The following KLRD1 variants were observed in gnomAD, a reference collection of about 807,000 sequenced individuals.
The protein encoded by KLRD1 is killer cell lectin like receptor D1.
KLRD1 carries 21 observed loss-of-function variants against 22.6 expected under a neutral mutation model. The ratio of observed to expected loss-of-function variants is 0.93; its 90% CI spans 0.66 to 1.34. KLRD1 has a LOEUF of 1.34. Among genes scored for constraint, KLRD1 ranks in the 40% most tolerant of loss-of-function variants. KLRD1 has a pLI of 0.00. For synonymous variants in KLRD1, 59 were observed against 71.1 expected (o/e 0.83, Z 0.85); for missense variants, 183 against 208.6 (o/e 0.88, Z 0.76).
At chr12:10,262,286 TTTA>T (rs2137632283) in intron 1 of KLRD1, among the ~76,000 whole-genome samples, 1 of 152,220 alleles carries the variant, frequency 6.6e-6, no homozygotes, top group Admixed American at 6.5e-5. Flanking sequence ...ATGCCAAGAT[TTTA>T]TTTTCAGTAG....
intron 1 of KLRD1, among the ~76,000 whole-genome samples, chr12:10,276,045 CT>C (rs915706649): frequency 3.9e-5 from 6 of 152,172 alleles, no homozygotes; most frequent in South Asian, 2.1e-4. Context: ...TGAAACTATA[CT>C]TTTTTTGCAT....
At chr12:10,300,828 A>G (rs1949860351), upstream of KLRD1, among the ~76,000 whole-genome samples, 1 of 152,244 alleles carries the variant, frequency 6.6e-6, no homozygotes, top group African/African-American at 2.4e-5. Context: ...ATAACCTGCT[A>G]CAGCTTCTAT....
Position 10,321,215 on chromosome 12 carries a change from G to A in KLRD1, c.*6422G>A, listed in dbSNP as rs1245682258. 1.3e-5 allele frequency: 2 copies of A among 152,140 alleles called. No homozygotes were observed. Among genetic ancestry groups the A allele is most frequent in the Non-Finnish European group, 2.9e-5 (2 of 68,018 alleles). 9.4% of individuals were successfully genotyped at this position (152,140 alleles called of 1,614,324 possible). The stretch of plus-strand genomic sequence containing the variant: ...TCATGCCCCTCCCTCTTTTGAACAA[G>A]GATGTCTATAGTTTGTTCTTTCGAA... On this transcript the variant is annotated 3_prime_UTR_variant, in exon 6 of 6. Transcript: ENST00000336164.
chr12:10,240,686 G>A (rs978332310), intron 1 of KLRD1, among the ~76,000 whole-genome samples: 1 of 152,078 alleles, frequency 6.6e-6, no homozygotes, highest in African/African-American at 2.4e-5. Context: ...GCTTCAACAA[G>A]CATCGACTCA....
rs1205063712 is a variant in KLRD1, at chr12:10,324,824, A to ATATATATATATATATATATG, written c.*10050_*10051insGTATATATATATATATATAT. The ATATATATATATATATATATG allele has an allele frequency of 1.9e-5, 2 of 104,578 alleles. No homozygotes were observed. Among genetic ancestry groups the ATATATATATATATATATATG allele is most frequent in the Non-Finnish European group, 4.5e-5 (2 of 44,244 alleles). The allele number at this position is 104,578 out of a possible 1,614,324, so 6.5% of individuals were successfully genotyped here. On this transcript the variant is annotated 3_prime_UTR_variant, in exon 6 of 6. Transcript: ENST00000336164. ...TATGTATATGTGTGTGTGTGTATAT[A>ATATATATATATATATATATG]TATATATATATATATATATTCATTT...
chr12:10,288,328 A>G (rs1161726459), intron 1 of KLRD1, among the ~76,000 whole-genome samples: 1 of 152,128 alleles, frequency 6.6e-6, no homozygotes, highest in Non-Finnish European at 1.5e-5. Context: ...TTATGTAAAT[A>G]TGTTGTAATT....
upstream of KLRD1, among the ~76,000 whole-genome samples, chr12:10,306,397 C>T (rs773983570): frequency 5.3e-5 from 8 of 151,980 alleles, no homozygotes; most frequent in Non-Finnish European, 1.0e-4. Flanking sequence ...GACTGATGGA[C>T]GTATTCTCAC....
chr12:10,285,130 A>G (rs956414688), intron 1 of KLRD1, among the ~76,000 whole-genome samples: 3 of 152,188 alleles, frequency 2.0e-5, no homozygotes, highest in Admixed American at 6.5e-5. Flanking sequence ...GGCTCTACTG[A>G]TGTTGCCAGT....
intron 1 of KLRD1, among the ~76,000 whole-genome samples, chr12:10,286,369 A>T (rs1214284124): frequency 3.9e-5 from 6 of 152,202 alleles, no homozygotes; most frequent in Non-Finnish European, 7.3e-5. Context: ...TTAGGTGTTA[A>T]ATACCCTATA....
chr12:10,285,904 A>G (rs187610542), intron 1 of KLRD1, among the ~76,000 whole-genome samples: 1 of 152,224 alleles, frequency 6.6e-6, no homozygotes, highest in East Asian at 1.9e-4. Flanking sequence ...GATCAGCCAC[A>G]TCCATGCTTG....
intron 1 of KLRD1, among the ~76,000 whole-genome samples, chr12:10,296,950 C>T (rs1344872898): frequency 6.6e-6 from 1 of 152,184 alleles, no homozygotes; most frequent in African/African-American, 2.4e-5. Flanking sequence ...TCTCCCATAA[C>T]TTGTTAAGTG....
chr12:10,269,430 C>T (rs1038235752), intron 1 of KLRD1, among the ~76,000 whole-genome samples: 3 of 152,174 alleles, frequency 2.0e-5, no homozygotes, highest in African/African-American at 7.2e-5. Context: ...GGATTGCAGG[C>T]GTGAGCCACC....
upstream of KLRD1, among the ~76,000 whole-genome samples, chr12:10,301,120 G>GA (rs1333140197): frequency 6.6e-6 from 1 of 152,128 alleles, no homozygotes; most frequent in Non-Finnish European, 1.5e-5. Flanking sequence ...AATGAAGGGG[G>GA]AAAAATCCAA....
At chr12:10,274,738 A>T (rs1021201117) in intron 1 of KLRD1, among the ~76,000 whole-genome samples, 1 of 151,364 alleles carries the variant, frequency 6.6e-6, no homozygotes, top group African/African-American at 2.4e-5. Context: ...TCAAAAAATT[A>T]TATTTAGTTC....
At chr12:10,246,167 C>T (rs765098674) in intron 1 of KLRD1, among the ~76,000 whole-genome samples, 46 of 152,184 alleles carry the variant, frequency 3.0e-4, no homozygotes, top group Non-Finnish European at 5.4e-4. Flanking sequence ...ATTGCTCCCT[C>T]CTTTCTTGGT....
At chr12:10,242,091 C>G (rs1303630519) in intron 1 of KLRD1, among the ~76,000 whole-genome samples, 1 of 13,362 alleles carries the variant, frequency 7.5e-5, no homozygotes, top group Non-Finnish European at 3.0e-4. Flanking sequence ...TTTTTTTTTT[C>G]AGAGAAGAGT....
At position 10,286,661 on chromosome 12, in the gene KLRD1, GC is replaced by G. The variant is rs1180106340; in HGVS notation, c.-100-21316del. Among the ~76,000 whole-genome samples the G allele has an allele frequency of 3.8e-3, 186 of 49,304 alleles. 3 individuals are homozygous for G. Among genetic ancestry groups the G allele is most frequent in the East Asian group, 9.8e-3 (16 of 1,628 alleles). The allele number at this position is 49,304 out of a possible 152,430, so 32.3% of individuals were successfully genotyped here. A position where few individuals can be genotyped will look rare whatever the true frequency, so the allele number is the denominator to read the frequency against. On this transcript the variant is annotated intron_variant, in intron 1 of 5. Transcript: ENST00000544747. The stretch of plus-strand genomic sequence containing the variant: ...ATCATCATTTTATTTCGCTTATGGT[GC>G]TTTTTTTTTTTTTTTTTTTTTTTTT...
chr12:10,260,965 C>CCA (rs1555102427), intron 1 of KLRD1, among the ~76,000 whole-genome samples: 10,231 of 46,776 alleles, frequency 0.22, 497 homozygotes, highest in Non-Finnish European at 0.46. Context: ...AACAAAAAAC[C>CCA]AAAAAAAAAA....
At chr12:10,282,297 C>A (rs1336859764) in intron 1 of KLRD1, among the ~76,000 whole-genome samples, 1 of 149,966 alleles carries the variant, frequency 6.7e-6, no homozygotes, top group African/African-American at 2.5e-5. Flanking sequence ...ACTCTTATTG[C>A]CCAGGCTGGG....
Sources: allele counts gnomAD v4.1 joint callset (sites outside exome capture counted in the v4.1 genomes callset), GRCh38; gene constraint gnomAD v4.1.1; transcripts MANE v1.5; gene names NCBI Gene and HGNC (gene_info 2026-07-23, HGNC 2026-07-21).